MALRD1: variants seen among roughly 807,000 people sequenced by gnomAD.
MALRD1 encodes the protein MAM and LDL receptor class A domain containing 1.
In MALRD1, 247 loss-of-function variants were observed where a neutral mutation model predicts 242.1. The observed-to-expected ratio is 1.02, with a 90% CI of 0.92 to 1.13. The LOEUF is 1.13. MALRD1 is among the 50% of genes most tolerant of loss of function. The pLI, the probability that MALRD1 is intolerant of heterozygous loss-of-function variation, is 0.00. For missense variants in MALRD1, 2,989 were observed against 2,533.1 expected, an observed-to-expected ratio of 1.18 and a Z score of -3.86; for synonymous variants, 995 against 866.6, an observed-to-expected ratio of 1.15 and a Z score of -2.60.
upstream of MALRD1, chr10:19,048,787 G>C (rs879845869): frequency 1.5e-4 from 71 of 483,976 alleles, no homozygotes; most frequent in Middle Eastern, 5.4e-4. Context: ...TAACTGCCTG[G>C]GGAGTAATTT....
At chr10:19,077,638 A>G (rs1315815213) in intron 2 of MALRD1, among the ~76,000 whole-genome samples, 1 of 151,960 alleles carries the variant, frequency 6.6e-6, no homozygotes, top group Non-Finnish European at 1.5e-5. Context: ...TTTTTACAGT[A>G]GACTCTAAAT....
intron 6 of MALRD1, among the ~76,000 whole-genome samples, chr10:19,123,994 C>T (rs1002868311): frequency 6.7e-6 from 1 of 149,284 alleles, no homozygotes; most frequent in African/African-American, 2.5e-5. Context: ...TTGCTTGAGG[C>T]CAAGAGCTCA....
intron 26 of MALRD1, among the ~76,000 whole-genome samples, chr10:19,357,417 C>G (rs1844686868): frequency 6.6e-6 from 1 of 151,402 alleles, no homozygotes; most frequent in Non-Finnish European, 1.5e-5. Flanking sequence ...TTTTTTATAT[C>G]TCTACCTGTA....
chr10:19,116,274 T>C (rs1174647080), intron 5 of MALRD1, among the ~76,000 whole-genome samples: 1 of 152,246 alleles, frequency 6.6e-6, no homozygotes, highest in Non-Finnish European at 1.5e-5. Flanking sequence ...CAGAATATTT[T>C]GAATATTCTG....
At chr10:19,684,818 A>T (rs550996956) in intron 36 of MALRD1, among the ~76,000 whole-genome samples, 4 of 152,302 alleles carry the variant, frequency 2.6e-5, no homozygotes, top group African/African-American at 9.6e-5. Flanking sequence ...TGTGAAACAA[A>T]ATTATAAATC....
intron 2 of MALRD1, 30 bp downstream of exon 2, chr10:19,066,889 C>A (rs1050356183): frequency 8.1e-7 from 1 of 1,229,180 alleles, no homozygotes; most frequent in African/African-American, 1.6e-5. Flanking sequence ...TTTCTCCCCT[C>A]TCTCCCTTCC....
intron 38 of MALRD1, among the ~76,000 whole-genome samples, chr10:19,696,821 C>T (rs1489112216): frequency 6.6e-6 from 1 of 151,902 alleles, no homozygotes; most frequent in African/African-American, 2.4e-5. Flanking sequence ...GAGAGTGAGA[C>T]AGGAGAATCA....
chr10:19,566,511 G>C (rs1836264115), intron 32 of MALRD1, among the ~76,000 whole-genome samples: 1 of 151,494 alleles, frequency 6.6e-6, no homozygotes, highest in South Asian at 2.1e-4. Flanking sequence ...AGATTTTTTA[G>C]TAAGAGGGAG....
At chr10:19,614,871 T>G (rs1015406722) in intron 35 of MALRD1, among the ~76,000 whole-genome samples, 1 of 151,964 alleles carries the variant, frequency 6.6e-6, no homozygotes, top group Non-Finnish European at 1.5e-5. Flanking sequence ...AAAAAAGGCT[T>G]TTGCCTGCCA....
At chr10:19,579,018 T>C (rs923163437) in intron 33 of MALRD1, among the ~76,000 whole-genome samples, 1 of 152,158 alleles carries the variant, frequency 6.6e-6, no homozygotes, top group African/African-American at 2.4e-5. Flanking sequence ...TAAACCTCTT[T>C]CTTTTATAAA....
intron 36 of MALRD1, among the ~76,000 whole-genome samples, chr10:19,645,704 A>T (rs1037765230): frequency 4.6e-5 from 7 of 152,072 alleles, no homozygotes. Context: ...CAGGAAGGGG[A>T]ACATCACACT....
intron 12 of MALRD1, 28 bp downstream of exon 12, chr10:19,155,200 G>C: frequency 8.4e-7 from 1 of 1,192,564 alleles, no homozygotes; most frequent in Middle Eastern, 3.2e-4. Flanking sequence ...ATTTCCACTG[G>C]CCATTCTGCG....
At position 19,217,133 on chromosome 10, in the gene MALRD1, A is replaced by T. The variant is rs138974731; in HGVS notation, c.2991+7453A>T. On this transcript the variant is annotated intron_variant, in intron 18 of 39. Transcript: ENST00000454679. ...GCTGCTCTCATTTTTGGACCTCCTC[A>T]CTGAAATCAAATTGATCTTTCTAAA... 5.8e-4 allele frequency among the ~76,000 whole-genome samples: 88 copies of T among 152,144 alleles called. 1 individual carries two copies. Among genetic ancestry groups the T allele is most frequent in the Admixed American group, 1.5e-3 (23 of 15,274 alleles).
intron 14 of MALRD1, among the ~76,000 whole-genome samples, 177 bp downstream of exon 14, chr10:19,175,505 C>A (rs1309244344): frequency 7.2e-6 from 1 of 139,128 alleles, no homozygotes; most frequent in Non-Finnish European, 1.6e-5. Context: ...AACATCTGGT[C>A]TAGTCCTTAG....
rs74588371 is a variant in MALRD1, at chr10:19,065,349, A to C, written c.200-1370A>C. ...GAAAGAAAGCAAGCGAGAAAGAAAGAAAGAAATCTCTAGAAAGGGAGTGGT... is the reference window on the plus strand; with the variant it reads ...GAAAGAAAGCAAGCGAGAAAGAAAGCAAGAAATCTCTAGAAAGGGAGTGGT... On this transcript the variant is annotated intron_variant, in intron 1 of 39. Transcript: ENST00000454679. Among the ~76,000 whole-genome samples the C allele has an allele frequency of 2.1e-3, 325 of 151,948 alleles. 2 individuals are homozygous for C. Among genetic ancestry groups the C allele is most frequent in the African/African-American group, 7.4e-3 (307 of 41,422 alleles).
Position 19,204,533 on chromosome 10 carries a change from TA to T in MALRD1, c.2210+121del, listed in dbSNP as rs1836703878. 3 of 662,132 alleles carry T rather than the reference TA, an allele frequency of 4.5e-6. No homozygotes were observed. The East Asian group carries it at 8.5e-5, about 19-fold the overall frequency. The allele number at this position is 662,132 out of a possible 1,614,324, so 41.0% of individuals were successfully genotyped here. ...TTTACTGCTGGTTTTACTCTAAAAATAGTATTGCATTAAATTCATATGATTT... is the reference window on the plus strand; with the variant it reads ...TTTACTGCTGGTTTTACTCTAAAAATGTATTGCATTAAATTCATATGATTT... On this transcript the variant is annotated intron_variant, in intron 16 of 39. Transcript: ENST00000454679.
intron 36 of MALRD1, among the ~76,000 whole-genome samples, chr10:19,682,952 C>T (rs1357337840): frequency 1.3e-5 from 2 of 152,082 alleles, no homozygotes; most frequent in African/African-American, 2.4e-5. Flanking sequence ...GCTGATTCTT[C>T]CCTTTCCTGT....
chr10:19,205,184 C>T lies in MALRD1; in HGVS notation c.2497C>T (p.His833Tyr). Residue 833 changes from histidine (H) to tyrosine (Y), a missense_variant, in exon 17 of 40, where the codon CAC becomes TAC. Physicochemically the swap from His to Tyr is moderately conservative, Grantham distance 83. Transcript: ENST00000454679. ...CEGLDHFWCR[H>Y]TRACIEKLRL... ...AGGGCTGGATCATTTCTGGTGTCGC[C>T]ACACCAGGGCTTGCATAGAAAAGCT... 1.9e-6 allele frequency: 3 copies of T among 1,550,928 alleles called. No homozygotes were observed. In the South Asian group the frequency reaches 3.6e-5, roughly 18 times the overall value.
chr10:19,294,229 A>G (rs144366839), intron 21 of MALRD1, among the ~76,000 whole-genome samples: 2 of 152,310 alleles, frequency 1.3e-5, no homozygotes, highest in African/African-American at 2.4e-5. Flanking sequence ...AAATAATTGT[A>G]CTTACATTCT....
Sources: allele counts gnomAD v4.1 joint callset (sites outside exome capture counted in the v4.1 genomes callset), GRCh38; gene constraint gnomAD v4.1.1; transcripts MANE v1.5; gene names NCBI Gene and HGNC (gene_info 2026-07-23, HGNC 2026-07-21).